Variants in YAP1 observed in about 807,000 individuals in gnomAD.
YAP1 encodes Yes1 associated transcriptional regulator.
YAP1 carries 5 observed loss-of-function variants against 56.9 expected under a neutral mutation model. The observed-to-expected ratio is 0.09, with a 90% confidence interval of 0.05 to 0.18. YAP1 has a LOEUF of 0.18. Ranked by LOEUF, YAP1 falls within the 10% of genes least tolerant of loss-of-function variation. The pLI is 1.00. For synonymous variants in YAP1, 265 were observed against 248.1 expected, an observed-to-expected ratio of 1.07 and a Z score of -0.64; for missense variants, 539 against 651.8, an observed-to-expected ratio of 0.83 and a Z score of 1.88.
intron 2 of YAP1, among the ~76,000 whole-genome samples, chr11:102,146,122 C>T (rs1313552710): frequency 2.0e-5 from 3 of 152,186 alleles, no homozygotes; most frequent in African/African-American, 7.2e-5. Flanking sequence ...CGATGACCTA[C>T]AGATTAAGGT....
intron 3 of YAP1, among the ~76,000 whole-genome samples, chr11:102,167,170 G>C (rs186264882): frequency 2.6e-4 from 40 of 152,266 alleles, no homozygotes; most frequent in Admixed American, 2.2e-3. Context: ...GATGCACCTG[G>C]AAAAGGTTCT....
intron 6 of YAP1, among the ~76,000 whole-genome samples, chr11:102,221,673 T>G (rs915855544): frequency 6.6e-6 from 1 of 151,708 alleles, no homozygotes; most frequent in African/African-American, 2.4e-5. Flanking sequence ...CAGTGAGCTA[T>G]AATTGCATCA....
chr11:102,146,581 A>G (rs943616370), intron 2 of YAP1, among the ~76,000 whole-genome samples: 5 of 152,208 alleles, frequency 3.3e-5, no homozygotes, highest in Non-Finnish European at 5.9e-5. Context: ...TGTAGCTCGT[A>G]CTAATAACAT....
At chr11:102,228,393 G>A (rs1250837971) in intron 8 of YAP1, among the ~76,000 whole-genome samples, 3 of 151,942 alleles carry the variant, frequency 2.0e-5, no homozygotes, top group Non-Finnish European at 4.4e-5. Flanking sequence ...CCAGCACTTT[G>A]GGAGGCCGAG....
intron 2 of YAP1, among the ~76,000 whole-genome samples, chr11:102,117,086 C>T (rs1943331301): frequency 6.6e-6 from 1 of 152,272 alleles, no homozygotes; most frequent in Non-Finnish European, 1.5e-5. Context: ...GTTACAACTT[C>T]TTTTTGTGTA....
chr11:102,189,652 T>C lies in YAP1; in HGVS notation c.802+3521T>C, dbSNP rs142115093. 3.3e-5 allele frequency among the ~76,000 whole-genome samples: 5 copies of C among 152,304 alleles called. No individual in the cohort carries two copies. In the East Asian group the frequency reaches 9.7e-4, roughly 29 times the overall value. ...ATTCTATGTGTAGAAATGTCAGAGGTATTAAACCTCATAGGTTGATTTTGG... is the reference window on the plus strand; with the variant it reads ...ATTCTATGTGTAGAAATGTCAGAGGCATTAAACCTCATAGGTTGATTTTGG... On this transcript the variant is annotated intron_variant, in intron 4 of 8. Transcript: ENST00000282441.
chr11:102,189,441 C>T (rs1286464781), intron 4 of YAP1, among the ~76,000 whole-genome samples: 1 of 152,032 alleles, frequency 6.6e-6, no homozygotes, highest in Non-Finnish European at 1.5e-5. Flanking sequence ...AATATTGTTA[C>T]CAATCTGTGT....
At chr11:102,146,389 A>G (rs899375207) in intron 2 of YAP1, among the ~76,000 whole-genome samples, 2 of 152,144 alleles carry the variant, frequency 1.3e-5, no homozygotes, top group African/African-American at 4.8e-5. Context: ...GACACCACCA[A>G]TTGGATGTAC....
At chr11:102,168,074 T>C (rs1265050282) in intron 3 of YAP1, among the ~76,000 whole-genome samples, 2 of 152,112 alleles carry the variant, frequency 1.3e-5, no homozygotes, top group African/African-American at 4.8e-5. Context: ...AATTAGTTAT[T>C]ATATATAATA....
At chr11:102,156,023 A>ATTTGTTTCATCTTCACAGTTTTT (rs1945920552) in intron 2 of YAP1, among the ~76,000 whole-genome samples, 1 of 151,024 alleles carries the variant, frequency 6.6e-6, no homozygotes, top group Non-Finnish European at 1.5e-5. Context: ...TACCCATCAC[A>ATTTGTTTCATCTTCACAGTTTTT]TTTGTTTCAT....
At chr11:102,205,771 C>T (rs1949087915) in intron 4 of YAP1, 122 bp from the exon 5 acceptor site, 1 of 892,940 alleles carries the variant, frequency 1.1e-6, no homozygotes, top group African/African-American at 1.7e-5. Context: ...TAGGTTATTT[C>T]CAGTCTTCCT....
At chr11:102,167,555 A>C (rs1419819966) in intron 3 of YAP1, among the ~76,000 whole-genome samples, 1 of 152,172 alleles carries the variant, frequency 6.6e-6, no homozygotes, top group Non-Finnish European at 1.5e-5. Context: ...CAACATGGTG[A>C]AACCCCGTCT....
intron 4 of YAP1, among the ~76,000 whole-genome samples, chr11:102,194,913 C>T (rs1017528357): frequency 6.6e-6 from 1 of 151,682 alleles, no homozygotes; most frequent in Admixed American, 6.6e-5. Flanking sequence ...AGATAATGCC[C>T]CTTTATTTTT....
intron 2 of YAP1, among the ~76,000 whole-genome samples, chr11:102,129,232 T>C (rs1944229754): frequency 6.7e-6 from 1 of 150,282 alleles, no homozygotes; most frequent in Non-Finnish European, 1.5e-5. Context: ...GTTGATGTCA[T>C]AGAATAATTT....
At chr11:102,178,316 A>T (rs537198772) in intron 3 of YAP1, among the ~76,000 whole-genome samples, 6 of 152,116 alleles carry the variant, frequency 3.9e-5, no homozygotes, top group Non-Finnish European at 4.4e-5. Flanking sequence ...ACTTTGTAGG[A>T]CTCATCAGGG....
intron 6 of YAP1, among the ~76,000 whole-genome samples, chr11:102,221,969 T>C (rs1405959482): frequency 1.3e-5 from 2 of 152,174 alleles, no homozygotes; most frequent in African/African-American, 4.8e-5. Context: ...TTTTACCCCA[T>C]TGAAGTTCAG....
chr11:102,178,708 T>TATCCTGAATCAAA (rs1210011739), intron 3 of YAP1, among the ~76,000 whole-genome samples: 3 of 152,224 alleles, frequency 2.0e-5, no homozygotes, highest in Admixed American at 6.5e-5. Flanking sequence ...ACTACTCTCT[T>TATCCTGAATCAAA]TTTGCTTATC....
At position 102,232,932 on chromosome 11, in the gene YAP1, T is replaced by G. The variant is rs1950478846; in HGVS notation, c.*2992T>G. ...CTTTGCTACAAATAATGTTGCTGTG[T>G]TAAGTATTCATATTAAATACATGCC... is the stretch of plus-strand genomic sequence containing the variant. On this transcript the variant is annotated 3_prime_UTR_variant, in exon 9 of 9. Transcript: ENST00000282441. 1 of 152,302 alleles carries G rather than the reference T, an allele frequency of 6.6e-6. No individual in the cohort carries two copies. The highest frequency in any genetic ancestry group is 2.1e-4 in the South Asian group (1 of 4,836). 9.4% of individuals were successfully genotyped at this position (152,302 alleles called of 1,614,324 possible). A position where few individuals can be genotyped will look rare whatever the true frequency, so the allele number is the denominator to read the frequency against.
chr11:102,185,135 G>T (rs1328733342), intron 3 of YAP1, among the ~76,000 whole-genome samples: 1 of 152,172 alleles, frequency 6.6e-6, no homozygotes, highest in Non-Finnish European at 1.5e-5. Flanking sequence ...TTTGATTCCT[G>T]TTGGAAATGG....
Sources: gnomAD v4.1 joint callset for allele counts (sites outside exome capture counted in the v4.1 genomes callset) on GRCh38, gnomAD v4.1.1 for gene constraint, MANE v1.5 for transcripts, NCBI Gene and HGNC (gene_info 2026-07-23, HGNC 2026-07-21) for gene names.